Variants in MAGI2 observed in about 807,000 individuals in gnomAD.
The protein encoded by MAGI2 is membrane associated guanylate kinase, WW and PDZ domain containing 2, also known as membrane-associated guanylate kinase, WW and PDZ domain-containing protein 2.
Under a neutral mutation model 133.3 loss-of-function variants are expected in MAGI2, and 35 were observed. The ratio of observed to expected loss-of-function variants is 0.26; its 90% CI spans 0.20 to 0.35. MAGI2 has a LOEUF of 0.35. MAGI2 is among the 10% of genes least tolerant of loss of function. The pLI is 1.00. For synonymous variants in MAGI2, 729 were observed against 710.6 expected (o/e 1.03, Z -0.41); for missense variants, 1,636 against 1,863.4 (o/e 0.88, Z 2.25).
At chr7:78,711,307 T>C (rs1029152171) in intron 2 of MAGI2, among the ~76,000 whole-genome samples, 5 of 152,072 alleles carry the variant, frequency 3.3e-5, no homozygotes, top group Admixed American at 6.6e-5. Flanking sequence ...AGAGTATATA[T>C]AATAGTAATA....
intron 8 of MAGI2, among the ~76,000 whole-genome samples, chr7:78,344,468 A>C (rs1047110019): frequency 2.0e-5 from 3 of 152,220 alleles, no homozygotes; most frequent in Non-Finnish European, 2.9e-5. Context: ...ATAAGAGCAC[A>C]ATATTTCAGC....
chr7:78,165,676 C>T (rs980891643), intron 15 of MAGI2, among the ~76,000 whole-genome samples: 5 of 152,308 alleles, frequency 3.3e-5, no homozygotes, highest in East Asian at 3.9e-4. Flanking sequence ...TAATTGCTCA[C>T]TTCCCCTCAG....
intron 1 of MAGI2, among the ~76,000 whole-genome samples, chr7:79,135,115 G>A (rs1229264736): frequency 2.6e-5 from 4 of 152,186 alleles, no homozygotes; most frequent in Admixed American, 1.3e-4. Flanking sequence ...TATGGTATCA[G>A]GTGGTGTGAC....
At chr7:79,413,144 A>C (rs193044678) in intron 1 of MAGI2, 1 of 152,296 alleles carries the variant, frequency 6.6e-6, no homozygotes, top group East Asian at 1.9e-4. Flanking sequence ...ATGCTCATGC[A>C]AAGGATGAAT....
chr7:78,203,510 C>A (rs560680941), intron 10 of MAGI2, among the ~76,000 whole-genome samples: 1 of 152,174 alleles, frequency 6.6e-6, no homozygotes, highest in Non-Finnish European at 1.5e-5. Context: ...AAGGCTGATT[C>A]ATTCAGTCTG....
At chr7:78,680,498 TACA>T (rs1815528629) in intron 2 of MAGI2, among the ~76,000 whole-genome samples, 1 of 152,166 alleles carries the variant, frequency 6.6e-6, no homozygotes, top group Non-Finnish European at 1.5e-5. Context: ...GGCTATATTT[TACA>T]ACATCCTAGC....
At chr7:78,675,248 C>CTGTTGTTGGTGTTGT (rs1554522935) in intron 2 of MAGI2, among the ~76,000 whole-genome samples, 1 of 150,524 alleles carries the variant, frequency 6.6e-6, no homozygotes, top group Non-Finnish European at 1.5e-5. Context: ...TTATGGGTTG[C>CTGTTGTTGGTGTTGT]TGTTGTTGTT....
At chr7:79,261,808 T>C (rs1834113153) in intron 1 of MAGI2, among the ~76,000 whole-genome samples, 1 of 152,182 alleles carries the variant, frequency 6.6e-6, no homozygotes, top group Admixed American at 6.5e-5. Flanking sequence ...AGAACCCAAA[T>C]CATCAATACC....
intron 20 of MAGI2, among the ~76,000 whole-genome samples, chr7:78,100,195 A>C (rs1262724032): frequency 6.6e-6 from 1 of 152,144 alleles, no homozygotes; most frequent in Non-Finnish European, 1.5e-5. Flanking sequence ...CTCCTCTCAG[A>C]GTGTCCAATA....
intron 1 of MAGI2, among the ~76,000 whole-genome samples, chr7:79,442,552 A>G (rs535448714): frequency 6.6e-6 from 1 of 152,158 alleles, no homozygotes; most frequent in Non-Finnish European, 1.5e-5. Flanking sequence ...GCTAGACTGA[A>G]GAAGAGCAAA....
At chr7:78,651,083 G>C (rs184918375) in intron 2 of MAGI2, among the ~76,000 whole-genome samples, 4 of 152,140 alleles carry the variant, frequency 2.6e-5, no homozygotes, top group Admixed American at 2.6e-4. Flanking sequence ...ATTCTTAGTA[G>C]TGTCTCTCAT....
chr7:78,989,399 C>T (rs757664720), intron 2 of MAGI2, among the ~76,000 whole-genome samples: 3 of 151,952 alleles, frequency 2.0e-5, no homozygotes, highest in Non-Finnish European at 2.9e-5. Context: ...TGCTGCTGAA[C>T]GAAGTTTTTG....
chr7:78,864,220 C>A (rs149274004), intron 2 of MAGI2, among the ~76,000 whole-genome samples: 82 of 152,190 alleles, frequency 5.4e-4, no homozygotes, highest in African/African-American at 1.9e-3. Context: ...ATGGGCTTAC[C>A]CTTACAACAA....
chr7:78,571,355 G>A (rs1231135231), intron 3 of MAGI2, among the ~76,000 whole-genome samples: 1 of 152,112 alleles, frequency 6.6e-6, no homozygotes, highest in Admixed American at 6.6e-5. Flanking sequence ...AATACCCTTT[G>A]GAATGAATAT....
chr7:79,059,746 T>C (rs1022986196), intron 1 of MAGI2, among the ~76,000 whole-genome samples: 1 of 152,054 alleles, frequency 6.6e-6, no homozygotes, highest in Non-Finnish European at 1.5e-5. Flanking sequence ...ATAAATAAAA[T>C]GTAAAGGGAA....
chr7:78,739,177 C>T (rs1822155520), intron 2 of MAGI2, among the ~76,000 whole-genome samples: 1 of 152,064 alleles, frequency 6.6e-6, no homozygotes, highest in Non-Finnish European at 1.5e-5. Context: ...ATCAACAAAA[C>T]AGAGAAAAGT....
chr7:78,314,769 C>CT lies in MAGI2; in HGVS notation c.1408+29008dup, dbSNP rs562795130. 2.3e-4 allele frequency among the ~76,000 whole-genome samples: 35 copies of CT among 152,204 alleles called. No homozygotes were observed. The South Asian group carries it at 5.6e-3, about 24-fold the overall frequency. On this transcript the variant is annotated intron_variant, in intron 9 of 21. Transcript: ENST00000354212. ...TTAAACATTATATGTTGTTGTTATG[C>CT]TTTTGATTGTGTTGTTTCTTGTATA...
At chr7:78,241,202 T>C (rs1167694242) in intron 10 of MAGI2, among the ~76,000 whole-genome samples, 1 of 151,906 alleles carries the variant, frequency 6.6e-6, no homozygotes, top group Admixed American at 6.6e-5. Flanking sequence ...AAAATCAAAG[T>C]CTTTTTTTAA....
intron 1 of MAGI2, among the ~76,000 whole-genome samples, chr7:79,319,982 A>C (rs886988984): frequency 1.3e-5 from 2 of 152,058 alleles, no homozygotes; most frequent in African/African-American, 4.8e-5. Flanking sequence ...ACTTGACTGC[A>C]TTTTCAAATG....
Sources: allele counts gnomAD v4.1 joint callset (sites outside exome capture counted in the v4.1 genomes callset), GRCh38; gene constraint gnomAD v4.1.1; transcripts MANE v1.5; gene names NCBI Gene and HGNC (gene_info 2026-07-23, HGNC 2026-07-21).